Variants in CSF1R observed in about 807,000 individuals in gnomAD.
The protein encoded by CSF1R is colony stimulating factor 1 receptor.
CSF1R carries 40 observed loss-of-function variants against 110.0 expected under a neutral mutation model. The ratio of observed to expected loss-of-function variants is 0.36; its 90% CI spans 0.28 to 0.47. The LOEUF (loss-of-function observed/expected upper bound fraction) is 0.47, where lower values mean the gene tolerates loss of function less well. Ranked by LOEUF, CSF1R falls within the 20% of genes least tolerant of loss-of-function variation. The probability of loss-of-function intolerance (pLI) is 0.99; values close to 1 mark genes in which losing one functional copy is unlikely to be tolerated. For missense variants in CSF1R, 1,052 were observed against 1,253.0 expected, an observed-to-expected ratio of 0.84 and a Z score of 2.42; for synonymous variants, 523 against 503.4, an observed-to-expected ratio of 1.04 and a Z score of -0.52.
chr5:150,089,259 A>G (rs574213550), upstream of CSF1R, among the ~76,000 whole-genome samples: 1 of 152,310 alleles, frequency 6.6e-6, no homozygotes, highest in Non-Finnish European at 1.5e-5. Context: ...ATCCAAATTA[A>G]AAAAGAAGAA....
At chr5:150,112,926 A>G (rs943076898) in intron 1 of CSF1R, among the ~76,000 whole-genome samples, 1 of 152,180 alleles carries the variant, frequency 6.6e-6, no homozygotes, top group Non-Finnish European at 1.5e-5. Flanking sequence ...CCGTTTCCCC[A>G]GCTCAGAGAG....
chr5:150,084,278 C>T (rs946450797), intron 1 of CSF1R, among the ~76,000 whole-genome samples: 4 of 148,838 alleles, frequency 2.7e-5, no homozygotes, highest in African/African-American at 9.9e-5. Context: ...TGCAGTGAGC[C>T]GAGATCCATG....
intron 5 of CSF1R, chr5:150,076,996 G>A (rs1017234763): frequency 6.1e-6 from 3 of 488,354 alleles, no homozygotes; most frequent in Non-Finnish European, 1.1e-5. Context: ...GTCCAGTAGG[G>A]AGCTACTGGA....
chr5:150,110,514 C>T (rs1319234687), intron 1 of CSF1R, among the ~76,000 whole-genome samples: 1 of 152,210 alleles, frequency 6.6e-6, no homozygotes, highest in Admixed American at 6.5e-5. Context: ...ATGTGCATCT[C>T]TCAAAATGAA....
upstream of CSF1R, among the ~76,000 whole-genome samples, chr5:150,087,379 CT>C (rs1454560013): frequency 3.2e-4 from 49 of 152,180 alleles, no homozygotes; most frequent in Non-Finnish European, 1.3e-4. Flanking sequence ...TCACTGTCTC[CT>C]TTAGTACTGC....
chr5:150,080,923 C>T lies in CSF1R; in HGVS notation c.151G>A (p.Asp51Asn). Residue 51 changes from aspartate (D) to asparagine (N), a missense_variant, in exon 2 of 21, where the codon GAT becomes AAT. Around this residue, in one of 5 missense-constraint regions of CSF1R, gnomAD observed 693 missense variants for 735.4 expected, o/e 0.94. Transcript: ENST00000675795. ...RCVGNGSVEWDGPPSPHWTLY... is the reference protein window; with the variant it reads ...RCVGNGSVEWNGPPSPHWTLY... The stretch of plus-strand genomic sequence containing the variant: ...GTCCAGTGAGGTGATGGGGGGCCAT[C>T]CCATTCCACGCTGCCATTGCCCACA... 6.2e-7 allele frequency: 1 copy of T among 1,614,192 alleles called. No individual in the cohort carries two copies.
chr5:150,054,577 T>TAG, intron 19 of CSF1R, 147 bp from the exon 20 acceptor site: 1 of 625,230 alleles, frequency 1.6e-6, no homozygotes, highest in Non-Finnish European at 2.8e-6. Flanking sequence ...GTCCTTGGCA[T>TAG]GCTTTACCAT....
chr5:150,057,361 G>A lies in CSF1R; in HGVS notation c.2245C>T (p.Pro749Ser), dbSNP rs373083937. The A allele has an allele frequency of 1.2e-6, 2 of 1,613,934 alleles. No individual in the cohort carries two copies. Among genetic ancestry groups the A allele is most frequent in the Non-Finnish European group, 1.7e-6 (2 of 1,179,998 alleles). Residue 749 changes from proline to serine, a missense_variant, in exon 16 of 21, where the codon CCC becomes TCC. Coordinates refer to ENST00000675795, the MANE Select transcript of CSF1R (RefSeq NM_001288705.3). ...TGAAGCAGGTCCCGGAGCTCCAGGG[G>A]CCGTCCATCCTCCTTGTCCAGGTCT... ...EQDLDKEDGR[P>S]LELRDLLHFS... is the part of the protein sequence containing the mutation.
intron 6 of CSF1R, among the ~76,000 whole-genome samples, chr5:150,071,908 G>A (rs578113092): frequency 6.6e-6 from 1 of 152,348 alleles, no homozygotes; most frequent in South Asian, 2.1e-4. Flanking sequence ...TCTGACAATT[G>A]ACAAGCAAGA....
intron 1 of CSF1R, among the ~76,000 whole-genome samples, chr5:150,092,471 T>A (rs1381566754): frequency 2.0e-5 from 3 of 152,184 alleles, no homozygotes; most frequent in Non-Finnish European, 4.4e-5. Flanking sequence ...TCTGTTCTCA[T>A]ACTGCTAATA....
chr5:150,088,983 T>C (rs1481507513), upstream of CSF1R, among the ~76,000 whole-genome samples: 1 of 152,224 alleles, frequency 6.6e-6, no homozygotes, highest in Admixed American at 6.5e-5. Context: ...TATGATCATG[T>C]CACTTGATGT....
chr5:150,081,390 C>T (rs114792), intron 1 of CSF1R, among the ~76,000 whole-genome samples: 67,815 of 151,928 alleles, frequency 0.45, 16,781 homozygotes, highest in Non-Finnish European at 0.55. Context: ...ACAAAGTGGA[C>T]GTATTTCTAC....
chr5:150,112,944 G>A (rs1759771196), intron 1 of CSF1R, among the ~76,000 whole-genome samples: 1 of 152,180 alleles, frequency 6.6e-6, no homozygotes, highest in African/African-American at 2.4e-5. Flanking sequence ...GAGAGCAAGG[G>A]AGGGGCTAAG....
chr5:150,058,789 C>T (rs1757367903), intron 14 of CSF1R, among the ~76,000 whole-genome samples: 1 of 151,906 alleles, frequency 6.6e-6, no homozygotes. Flanking sequence ...GCGCAGTGTA[C>T]ACCCTTCTTG....
intron 1 of CSF1R, among the ~76,000 whole-genome samples, chr5:150,085,821 C>T (rs1015010961): frequency 1.2e-4 from 18 of 152,130 alleles, no homozygotes; most frequent in Admixed American, 2.6e-4. Context: ...ATAGAATCAT[C>T]GAATCACAGG....
chr5:150,080,305 C>A lies in CSF1R; in HGVS notation c.339G>T (p.Gln113His). Residue 113 changes from glutamine (Q) to histidine (H), a missense_variant, in exon 3 of 21, where the codon CAG becomes CAT. This residue lies in a region of CSF1R where 693 missense variants were observed against 735.4 expected (regional missense o/e 0.94). Transcript: ENST00000675795. ...DPARPWNVLA[Q>H]EVVVFEDQDA... Reference sequence around the variant, plus strand: ...CCTGGTCCTCGAACACGACCACCTCCTGTGCTAGCACGTTCCAGGGCCGGG... The same window carrying A: ...CCTGGTCCTCGAACACGACCACCTCATGTGCTAGCACGTTCCAGGGCCGGG... The A allele has an allele frequency of 6.2e-7, 1 of 1,613,826 alleles. No individual in the cohort carries two copies. Among genetic ancestry groups the A allele is most frequent in the Non-Finnish European group, 8.5e-7 (1 of 1,180,042 alleles).
At chr5:150,059,298 C>A (rs182222787) in intron 14 of CSF1R, among the ~76,000 whole-genome samples, 1 of 152,344 alleles carries the variant, frequency 6.6e-6, no homozygotes. Context: ...CCCGCCTCAG[C>A]CTCCCAAAGT....
intron 1 of CSF1R, among the ~76,000 whole-genome samples, chr5:150,112,144 A>G (rs1759738981): frequency 6.6e-6 from 1 of 152,210 alleles, no homozygotes; most frequent in Non-Finnish European, 1.5e-5. Flanking sequence ...TGCCCCACAC[A>G]GGGAAGCACT....
Position 150,105,347 on chromosome 5 carries a change from CAAAAA to C in CSF1R, c.-181+7909_-181+7913del, listed in dbSNP as rs780403646. Among the ~76,000 whole-genome samples the C allele has an allele frequency of 1.8e-3, 138 of 76,550 alleles. 1 individual carries two copies. Among genetic ancestry groups the C allele is most frequent in the African/African-American group, 7.4e-3 (122 of 16,578 alleles). The allele number at this position is 76,550 out of a possible 152,430, so 50.2% of individuals were successfully genotyped here. On this transcript the variant is annotated intron_variant, in intron 1 of 21. Transcript: ENST00000286301. ...TGGGTGACAGAGAGAGACTCTGTCT[CAAAAA>C]AAAAAAAAAAAATATATATATATAT...
Sources: allele counts gnomAD v4.1 joint callset (sites outside exome capture counted in the v4.1 genomes callset), GRCh38; gene constraint gnomAD v4.1.1; regional missense constraint gnomAD v4.1.1; transcripts MANE v1.5; gene names NCBI Gene and HGNC (gene_info 2026-07-23, HGNC 2026-07-21).